UBE2W: variants seen among roughly 807,000 people sequenced by gnomAD.
UBE2W encodes the protein ubiquitin-conjugating enzyme E2 W.
In UBE2W, 18 loss-of-function variants were observed where a neutral mutation model predicts 27.2. That is an observed-to-expected ratio of 0.66 (90% CI 0.46 to 0.98). UBE2W has a LOEUF of 0.98. UBE2W is among the 50% of genes least tolerant of loss of function. The pLI is 0.00. For synonymous variants in UBE2W, 53 were observed against 57.2 expected, an observed-to-expected ratio of 0.93 and a Z score of 0.33; for missense variants, 90 against 180.2, an observed-to-expected ratio of 0.50 and a Z score of 2.87.
At chr8:73,781,779 A>T (rs943571436), downstream of UBE2W, among the ~76,000 whole-genome samples, 1 of 152,048 alleles carries the variant, frequency 6.6e-6, no homozygotes, top group Admixed American at 6.6e-5. Context: ...GAGTTTCACC[A>T]TGTTGCCCAG....
rs1436418620 is a variant in UBE2W at position 73,786,975 on chromosome 8, CTAA to C, written c.*7124_*7126del. 84 of 985,266 alleles carry C rather than the reference CTAA, an allele frequency of 8.5e-5. No homozygotes were observed. Among genetic ancestry groups the C allele is most frequent in the Non-Finnish European group, 9.8e-5 (81 of 829,926 alleles). 61.0% of individuals were successfully genotyped at this position (985,266 alleles called of 1,614,324 possible). On this transcript the variant is annotated 3_prime_UTR_variant, in exon 6 of 6. Transcript: ENST00000602593. ...ACAGCCATCTATATTAGGATCTTGT[CTAA>C]TGACATATATTCACCCACATTAAGT...
intron 3 of UBE2W, among the ~76,000 whole-genome samples, chr8:73,824,537 C>T (rs964790088): frequency 5.3e-5 from 8 of 152,174 alleles, no homozygotes; most frequent in East Asian, 1.9e-4. Context: ...TCAACTTCTC[C>T]GATGGCCTAG....
intron 1 of UBE2W, among the ~76,000 whole-genome samples, chr8:73,844,531 C>T (rs2130934369): frequency 6.6e-6 from 1 of 152,324 alleles, no homozygotes; most frequent in East Asian, 1.9e-4. Context: ...CCTTGGCCTC[C>T]CAAAGTGCCG....
intron 1 of UBE2W, among the ~76,000 whole-genome samples, chr8:73,835,825 A>G (rs1810288902): frequency 6.6e-6 from 1 of 152,166 alleles, no homozygotes; most frequent in African/African-American, 2.4e-5. Context: ...GGAGGAATCA[A>G]GCTATCATGT....
At position 73,788,079 on chromosome 8, in the gene UBE2W, A is replaced by G. The variant is rs1808035737; in HGVS notation, c.*6023T>C. The G allele has an allele frequency of 2.0e-6, 2 of 984,916 alleles. No homozygotes were observed. Among genetic ancestry groups the G allele is most frequent in the South Asian group, 9.4e-5 (2 of 21,276 alleles). The allele number at this position is 984,916 out of a possible 1,614,324, so 61.0% of individuals were successfully genotyped here. ...CAAATACTTTTACGTCATAAACCAA[A>G]AAGAGGTCTGGTATCTATCCCATTT... On this transcript the variant is annotated 3_prime_UTR_variant, in exon 6 of 6. Transcript: ENST00000602593.
intron 3 of UBE2W, among the ~76,000 whole-genome samples, chr8:73,812,318 G>A (rs1224186425): frequency 1.3e-5 from 2 of 151,642 alleles, no homozygotes; most frequent in Non-Finnish European, 2.9e-5. Flanking sequence ...TCCCTGAAAG[G>A]ACTTTGATTT....
At chr8:73,781,565 A>G (rs1807844314), downstream of UBE2W, among the ~76,000 whole-genome samples, 1 of 151,278 alleles carries the variant, frequency 6.6e-6, no homozygotes, top group African/African-American at 2.4e-5. Context: ...TATCTCAAGT[A>G]TAAGTGTACT....
At chr8:73,799,066 T>C (rs771480130) in intron 5 of UBE2W, among the ~76,000 whole-genome samples, 11 of 152,114 alleles carry the variant, frequency 7.2e-5, no homozygotes, top group Non-Finnish European at 1.3e-4. Flanking sequence ...TCTTAGTGAA[T>C]AGAAACTATA....
chr8:73,818,627 A>T (rs2130887296), intron 3 of UBE2W, among the ~76,000 whole-genome samples: 1 of 152,282 alleles, frequency 6.6e-6, no homozygotes, highest in East Asian at 1.9e-4. Flanking sequence ...TCCAAATCTC[A>T]TGTTGAAATG....
At chr8:73,851,697 T>C (rs61464267) in intron 1 of UBE2W, among the ~76,000 whole-genome samples, 4,739 of 152,170 alleles carry the variant, frequency 0.031, 226 homozygotes, top group African/African-American at 0.1. Context: ...AAAAATTACA[T>C]TTGAGACATT....
chr8:73,860,200 TACCA>T (rs1246247333), intron 1 of UBE2W, among the ~76,000 whole-genome samples: 1 of 152,154 alleles, frequency 6.6e-6, no homozygotes, highest in East Asian at 1.9e-4. Flanking sequence ...GTGAAAGAAT[TACCA>T]ACCAAATATT....
At chr8:73,805,781 C>A in intron 4 of UBE2W, 55 bp from the exon 5 acceptor site, 2 of 1,046,550 alleles carry the variant, frequency 1.9e-6, no homozygotes, top group South Asian at 2.0e-5. Context: ...GAGAGGGTGA[C>A]AGTTTTAATA....
intron 3 of UBE2W, among the ~76,000 whole-genome samples, chr8:73,818,201 C>A (rs74444475): frequency 0.012 from 1,801 of 152,246 alleles, 36 homozygotes; most frequent in African/African-American, 0.041. Context: ...ATCATGGAGT[C>A]TTCCTTGACT....
chr8:73,845,371 C>A (rs1197050608), intron 1 of UBE2W, among the ~76,000 whole-genome samples: 1 of 152,200 alleles, frequency 6.6e-6, no homozygotes, highest in Non-Finnish European at 1.5e-5. Flanking sequence ...AAGAGAAATT[C>A]TTCTGCCTTG....
At chr8:73,780,751 TGGAC>T (rs1807827097) in intron 4 of UBE2W, among the ~76,000 whole-genome samples, 1 of 151,846 alleles carries the variant, frequency 6.6e-6, no homozygotes. Context: ...CTCGAACTCC[TGGAC>T]TCAAGAGATC....
Position 73,793,651 on chromosome 8 carries a change from C to T in UBE2W, c.*451G>A, listed in dbSNP as rs3739349. 7,551 of 986,736 alleles carry T rather than the reference C, an allele frequency of 7.7e-3. 331 individuals carry two copies. The African/African-American group carries it at 0.11, about 14-fold the overall frequency. The allele number at this position is 986,736 out of a possible 1,614,324, so 61.1% of individuals were successfully genotyped here. ...TGGATCCCTCACTTTATTTATATTCCCACTATAACCAGTAAGTTCATTTCA... is the reference window on the plus strand; with the variant it reads ...TGGATCCCTCACTTTATTTATATTCTCACTATAACCAGTAAGTTCATTTCA... On this transcript the variant is annotated 3_prime_UTR_variant, in exon 6 of 6. Coordinates refer to ENST00000602593, the MANE Select transcript of UBE2W (RefSeq NM_018299.6).
intron 2 of UBE2W, among the ~76,000 whole-genome samples, chr8:73,826,745 G>C (rs1586485067): frequency 1.3e-5 from 2 of 152,206 alleles, no homozygotes; most frequent in South Asian, 4.2e-4. Context: ...CTCATTGTGT[G>C]AACAAGTTAT....
intron 5 of UBE2W, among the ~76,000 whole-genome samples, chr8:73,797,160 G>A (rs1243614107): frequency 6.6e-6 from 1 of 152,130 alleles, no homozygotes; most frequent in East Asian, 1.9e-4. Context: ...CTGGGCTTCT[G>A]AGAAATGTAA....
intron 5 of UBE2W, among the ~76,000 whole-genome samples, chr8:73,801,085 C>T (rs1461466397): frequency 1.3e-5 from 2 of 151,340 alleles, no homozygotes; most frequent in Non-Finnish European, 2.9e-5. Context: ...AACAAAACTC[C>T]GTCAAAAAAA....
Sources: gnomAD v4.1 joint callset for allele counts (sites outside exome capture counted in the v4.1 genomes callset) on GRCh38, gnomAD v4.1.1 for gene constraint, MANE v1.5 for transcripts, NCBI Gene and HGNC (gene_info 2026-07-23, HGNC 2026-07-21) for gene names.